The following ZNF365 variants were observed in gnomAD, a reference collection of about 807,000 sequenced individuals.
ZNF365 encodes the protein protein ZNF365.
Under a neutral mutation model 35.0 loss-of-function variants are expected in ZNF365, and 22 were observed. The ratio of observed to expected loss-of-function variants is 0.63; its 90% CI spans 0.45 to 0.90. The LOEUF is 0.90. ZNF365 is among the 40% of genes least tolerant of loss of function. The probability of loss-of-function intolerance (pLI) is 0.00; values close to 1 mark genes in which losing one functional copy is unlikely to be tolerated. For missense variants in ZNF365, 448 were observed against 500.3 expected, an observed-to-expected ratio of 0.90 and a Z score of 1.00; for synonymous variants, 188 against 196.2, an observed-to-expected ratio of 0.96 and a Z score of 0.35.
chr10:62,468,519 A>G lies in ZNF365; in HGVS notation c.981+8722A>G, dbSNP rs12267555. On this transcript the variant is annotated intron_variant, in intron 4 of 4. Coordinates refer to the ZNF365 transcript ENST00000395255. Reference sequence around the variant, plus strand: ...TCAGAGCAACATGAATTCTGCTAAAATTGAAACAAGAACAAACATCAAATT... The same window carrying G: ...TCAGAGCAACATGAATTCTGCTAAAGTTGAAACAAGAACAAACATCAAATT... 4.4e-3 allele frequency among the ~76,000 whole-genome samples: 672 copies of G among 152,358 alleles called. 6 individuals are homozygous for G. Among genetic ancestry groups the G allele is most frequent in the African/African-American group, 0.015 (633 of 41,586 alleles).
intron 3 of ZNF365, among the ~76,000 whole-genome samples, chr10:62,389,989 C>G (rs555011944): frequency 1.3e-5 from 2 of 152,222 alleles, no homozygotes; most frequent in East Asian, 3.9e-4. Context: ...CGTGTCCAGC[C>G]TTGACTAGCT....
intron 2 of ZNF365, 140 bp downstream of exon 2, chr10:62,377,076 G>T: frequency 8.7e-7 from 1 of 1,154,572 alleles, no homozygotes; most frequent in Non-Finnish European, 1.2e-6. Flanking sequence ...AGTTGAACCA[G>T]GAGGAACAAG....
intron 3 of ZNF365, among the ~76,000 whole-genome samples, chr10:62,418,348 G>A (rs945185974): frequency 2.6e-5 from 4 of 151,990 alleles, no homozygotes; most frequent in Admixed American, 2.0e-4. Flanking sequence ...GATAAAAACA[G>A]GTTTGGAGTT....
At chr10:62,382,105 CA>C (rs1564567388) in intron 2 of ZNF365, among the ~76,000 whole-genome samples, 1 of 152,156 alleles carries the variant, frequency 6.6e-6, no homozygotes. Flanking sequence ...AGGTAATGCC[CA>C]TTTAGGTTTT....
At position 62,421,955 on chromosome 10, in the gene ZNF365, AT is replaced by A. The variant is rs1296660756; in HGVS notation, c.924+33380del. On this transcript the variant is annotated intron_variant, in intron 3 of 4. Coordinates refer to the ZNF365 transcript ENST00000395255. Reference sequence around the variant, plus strand: ...CCACTGTATTCTGAATAGCAAAAAAATATCAGAAGCAGCTTCCTCTTATCTG... The same window carrying A: ...CCACTGTATTCTGAATAGCAAAAAAAATCAGAAGCAGCTTCCTCTTATCTG... 6.6e-5 allele frequency among the ~76,000 whole-genome samples: 10 copies of A among 152,254 alleles called. 1 individual carries two copies. The highest frequency in any genetic ancestry group is 1.9e-4 in the African/African-American group (8 of 41,470).
intron 3 of ZNF365, among the ~76,000 whole-genome samples, chr10:62,448,972 AT>A (rs1840635113): frequency 6.6e-6 from 1 of 152,252 alleles, no homozygotes; most frequent in Non-Finnish European, 1.5e-5. Context: ...TAGCTAAATA[AT>A]TACAGAAACA....
intron 3 of ZNF365, among the ~76,000 whole-genome samples, chr10:62,390,884 A>G (rs1295191859): frequency 2.0e-5 from 3 of 152,238 alleles, no homozygotes; most frequent in African/African-American, 7.2e-5. Flanking sequence ...CAGTAAAAAT[A>G]TGATATTTAA....
Position 62,388,532 on chromosome 10 carries a change from A to T in ZNF365, c.880A>T (p.Ser294Cys), listed in dbSNP as rs746701226. 1.2e-6 allele frequency: 2 copies of T among 1,614,098 alleles called. No individual in the cohort carries two copies. The highest frequency in any genetic ancestry group is 1.7e-6 in the Non-Finnish European group (2 of 1,180,012). The change falls in exon 3 of 5, where the codon AGC becomes TGC. Residue 294 changes from serine to cysteine, a missense_variant. Physicochemically the swap from Ser to Cys is moderately radical, Grantham distance 112. Around this residue, in one of 3 missense-constraint regions of ZNF365, gnomAD observed 362 missense variants for 375.7 expected, o/e 0.96. Coordinates refer to ENST00000395254, the MANE Select transcript of ZNF365 (RefSeq NM_014951.3). ...GGAGAAGCAGCTTGAGTACTATCAG[A>T]GCCAGCAGGCCTCTGGCTTTGTCCG... ...LAEKQLEYYQ[S>C]QQASGFVRDL...
rs900156010 is a variant in ZNF365 at position 62,398,854 on chromosome 10, T to C, written c.962+77T>C. ...TTTTCCTGTTGCATTTTATATGAGATCGTATCTATTTTATATGATATCTAT... is the reference window on the plus strand; with the variant it reads ...TTTTCCTGTTGCATTTTATATGAGACCGTATCTATTTTATATGATATCTAT... On this transcript the variant is annotated intron_variant, in intron 4 of 4. Coordinates refer to ENST00000395254, the MANE Select transcript of ZNF365 (RefSeq NM_014951.3). 4 of 1,364,572 alleles carry C rather than the reference T, an allele frequency of 2.9e-6. No individual in the cohort carries two copies. The African/African-American group carries it at 5.9e-5, about 20-fold the overall frequency. The allele number at this position is 1,364,572 out of a possible 1,614,324, so 84.5% of individuals were successfully genotyped here.
At chr10:62,419,587 G>A (rs1261109665) in intron 3 of ZNF365, among the ~76,000 whole-genome samples, 2 of 152,078 alleles carry the variant, frequency 1.3e-5, no homozygotes, top group Non-Finnish European at 2.9e-5. Flanking sequence ...TAATGATTGG[G>A]TGCACATTGT....
At chr10:62,413,933 G>C (rs544385611) in intron 3 of ZNF365, among the ~76,000 whole-genome samples, 30 of 152,182 alleles carry the variant, frequency 2.0e-4, no homozygotes, top group Non-Finnish European at 3.1e-4. Flanking sequence ...TCCTTTCTTT[G>C]GTTCAGTTTT....
exon 5 of ZNF365, chr10:62,480,171 C>T: frequency 8.3e-7 from 1 of 1,200,750 alleles, no homozygotes; most frequent in Non-Finnish European, 1.0e-6. Flanking sequence ...TATAACCCAT[C>T]ATAGCAAGTA....
intron 3 of ZNF365, among the ~76,000 whole-genome samples, chr10:62,455,394 T>C (rs1840746523): frequency 6.6e-6 from 1 of 152,220 alleles, no homozygotes; most frequent in South Asian, 2.1e-4. Flanking sequence ...TCTCAAAATA[T>C]GTTGGTATCT....
At chr10:62,464,917 G>C (rs1840913260) in intron 4 of ZNF365, among the ~76,000 whole-genome samples, 1 of 152,240 alleles carries the variant, frequency 6.6e-6, no homozygotes, top group African/African-American at 2.4e-5. Context: ...AGCCAGAGCT[G>C]TGCACTCTGC....
At chr10:62,380,311 T>G (rs1839416075) in intron 2 of ZNF365, among the ~76,000 whole-genome samples, 5 of 152,264 alleles carry the variant, frequency 3.3e-5, no homozygotes, top group Admixed American at 3.3e-4. Context: ...CTCCTCCTCC[T>G]TTACAATGAT....
intron 3 of ZNF365, among the ~76,000 whole-genome samples, chr10:62,455,469 A>C (rs996175602): frequency 9.9e-5 from 15 of 152,186 alleles, no homozygotes; most frequent in Non-Finnish European, 1.5e-5. Context: ...AAATTTGGAA[A>C]CTATAGAAAT....
chr10:62,424,287 G>T (rs1840218572), intron 3 of ZNF365, among the ~76,000 whole-genome samples: 1 of 152,142 alleles, frequency 6.6e-6, no homozygotes. Context: ...TGAAGAGGTG[G>T]TAAGGTCCAA....
At chr10:62,441,205 A>G (rs957336048) in intron 3 of ZNF365, among the ~76,000 whole-genome samples, 1 of 152,184 alleles carries the variant, frequency 6.6e-6, no homozygotes, top group Non-Finnish European at 1.5e-5. Context: ...TCATACAGCC[A>G]GTATGTTGCA....
intron 3 of ZNF365, among the ~76,000 whole-genome samples, chr10:62,408,128 T>G (rs1350950293): frequency 6.6e-6 from 1 of 152,156 alleles, no homozygotes; most frequent in East Asian, 1.9e-4. Context: ...CTGCTTTGAC[T>G]GTGGGTCCAG....
Sources: gnomAD v4.1 joint callset for allele counts (sites outside exome capture counted in the v4.1 genomes callset) on GRCh38, gnomAD v4.1.1 for gene constraint, gnomAD v4.1.1 regional missense constraint, MANE v1.5 for transcripts, NCBI Gene and HGNC (gene_info 2026-07-23, HGNC 2026-07-21) for gene names.